The following TMEM135 variants were observed in gnomAD, a reference collection of about 807,000 sequenced individuals.
The protein encoded by TMEM135 is peroxisomal membrane protein 52.
In TMEM135, 30 loss-of-function variants were observed where a neutral mutation model predicts 60.3. That is an observed-to-expected ratio of 0.50 (90% CI 0.37 to 0.68). The LOEUF (loss-of-function observed/expected upper bound fraction) is 0.68. TMEM135 is among the 30% of genes least tolerant of loss of function. The pLI is 0.00. For missense variants in TMEM135, 468 were observed against 548.8 expected, an observed-to-expected ratio of 0.85 and a Z score of 1.47; for synonymous variants, 190 against 186.7, an observed-to-expected ratio of 1.02 and a Z score of -0.14.
At chr11:87,122,470 A>ATTTATTATTTT (rs1565450533) in intron 4 of TMEM135, among the ~76,000 whole-genome samples, 11 of 144,916 alleles carry the variant, frequency 7.6e-5, no homozygotes, top group Non-Finnish European at 1.4e-4. Flanking sequence ...TTTATTATTT[A>ATTTATTATTTT]TTTTTTTTGA....
At chr11:87,102,923 TATC>T (rs1181845231) in intron 4 of TMEM135, among the ~76,000 whole-genome samples, 12 of 152,000 alleles carry the variant, frequency 7.9e-5, no homozygotes, top group Admixed American at 7.9e-4. Flanking sequence ...CACTGAAACT[TATC>T]ATCACAACCC....
At chr11:87,107,609 C>T (rs1024147375) in intron 4 of TMEM135, among the ~76,000 whole-genome samples, 11 of 152,162 alleles carry the variant, frequency 7.2e-5, no homozygotes, top group Admixed American at 2.0e-4. Context: ...TTTTTTATGG[C>T]TGCATAGTAT....
chr11:87,189,283 C>A (rs1939740885), intron 5 of TMEM135, among the ~76,000 whole-genome samples: 1 of 152,096 alleles, frequency 6.6e-6, no homozygotes, highest in Non-Finnish European at 1.5e-5. Context: ...GCCTCAGCCT[C>A]CCAAGTAGCT....
At chr11:87,309,798 A>G in intron 10 of TMEM135, 126 bp downstream of exon 10, 1 of 1,043,974 alleles carries the variant, frequency 9.6e-7, no homozygotes, top group Non-Finnish European at 1.4e-6. Context: ...ATATCTTGAC[A>G]TAACCAAATC....
At chr11:87,138,152 A>G (rs562021116) in intron 4 of TMEM135, among the ~76,000 whole-genome samples, 19 of 142,866 alleles carry the variant, frequency 1.3e-4, no homozygotes, top group Middle Eastern at 4.2e-3. Context: ...GTGCAGTGGT[A>G]TGATCTCAGC....
chr11:87,252,798 ATGTGTG>A (rs558272693), intron 6 of TMEM135, among the ~76,000 whole-genome samples: 27 of 134,238 alleles, frequency 2.0e-4, no homozygotes, highest in South Asian at 1.2e-3. Context: ...TAAAATATAT[ATGTGTG>A]TGTGTGTGTG....
In TMEM135 at chr11:87,205,932, A is replaced by G. The variant is rs113319098; in HGVS notation, c.463-30706A>G. ...TTAGTTCTCCCTCAGTTCACAGAGA[A>G]CATCTTTTTGGCAGATATCCTTGAT... On this transcript the variant is annotated intron_variant, in intron 5 of 14. Coordinates refer to ENST00000305494, the MANE Select transcript of TMEM135 (RefSeq NM_022918.4). Among the ~76,000 whole-genome samples the G allele has an allele frequency of 3.2e-3, 486 of 152,260 alleles. 3 individuals carry two copies. The highest frequency in any genetic ancestry group is 0.011 in the Admixed American group (161 of 15,280).
rs575196933 is a variant in TMEM135 at position 87,078,808 on chromosome 11, G to T, written c.362+7193G>T. Among the ~76,000 whole-genome samples the T allele has an allele frequency of 4.5e-4, 68 of 150,410 alleles. No homozygotes were observed. In the East Asian group the frequency reaches 0.013, roughly 28 times the overall value. ...TTTGTATTTCTTTTTTTTTAGTAGA[G>T]ATAGGGTTTTGCCATGTTGTCCAGG... On this transcript the variant is annotated intron_variant, in intron 3 of 14. Transcript: ENST00000305494.
intron 5 of TMEM135, among the ~76,000 whole-genome samples, chr11:87,205,021 A>G (rs1171823127): frequency 6.6e-6 from 1 of 152,178 alleles, no homozygotes; most frequent in Non-Finnish European, 1.5e-5. Context: ...AAACTATTGC[A>G]CTTTTAAAAT....
intron 1 of TMEM135, among the ~76,000 whole-genome samples, chr11:87,039,631 G>A (rs1301656354): frequency 2.0e-5 from 3 of 152,098 alleles, no homozygotes; most frequent in Non-Finnish European, 4.4e-5. Context: ...GTGCAGTGGC[G>A]CAATCACGGC....
rs1212041146 is a variant in TMEM135, at chr11:87,325,834, C to A, written c.*4501C>A. 2 of 453,810 alleles carry A rather than the reference C, an allele frequency of 4.4e-6. No individual in the cohort carries two copies. Among genetic ancestry groups the A allele is most frequent in the Non-Finnish European group, 8.8e-6 (2 of 226,782 alleles). 28.1% of individuals were successfully genotyped at this position (453,810 alleles called of 1,614,324 possible). On this transcript the variant is annotated 3_prime_UTR_variant, in exon 15 of 15. Coordinates refer to ENST00000305494, the MANE Select transcript of TMEM135 (RefSeq NM_022918.4). ...CAATTAATTTCTTCTCTTCTTAAAACCCCGTAACATCACTTGACTCTGGAA... is the reference window on the plus strand; with the variant it reads ...CAATTAATTTCTTCTCTTCTTAAAAACCCGTAACATCACTTGACTCTGGAA...
chr11:87,043,499 G>A (rs12270428), intron 1 of TMEM135, among the ~76,000 whole-genome samples: 23,288 of 151,766 alleles, frequency 0.15, 1,911 homozygotes, highest in Non-Finnish European at 0.17. Context: ...GCTGAGGCGG[G>A]TGGATCACGA....
At chr11:87,238,934 T>G (rs1253202418) in intron 6 of TMEM135, among the ~76,000 whole-genome samples, 2 of 152,018 alleles carry the variant, frequency 1.3e-5, no homozygotes, top group African/African-American at 4.8e-5. Context: ...TAAAGACATA[T>G]GTGATTAACG....
intron 6 of TMEM135, among the ~76,000 whole-genome samples, chr11:87,248,413 A>T (rs992241635): frequency 1.3e-5 from 2 of 152,184 alleles, no homozygotes; most frequent in Non-Finnish European, 2.9e-5. Context: ...GTGAGATGAT[A>T]TCTCATTGTA....
intron 5 of TMEM135, among the ~76,000 whole-genome samples, chr11:87,219,478 G>GA (rs1940572097): frequency 6.6e-6 from 1 of 152,042 alleles, no homozygotes; most frequent in South Asian, 2.1e-4. Context: ...GGGCTGGGGG[G>GA]AGAGAGCCAG....
intron 5 of TMEM135, among the ~76,000 whole-genome samples, chr11:87,170,397 C>T (rs1939201563): frequency 6.6e-6 from 1 of 152,140 alleles, no homozygotes; most frequent in Admixed American, 6.6e-5. Flanking sequence ...CCTTTTTGCA[C>T]TGGTTTTTCC....
intron 1 of TMEM135, among the ~76,000 whole-genome samples, chr11:87,064,745 G>A (rs1038759437): frequency 3.3e-5 from 5 of 152,228 alleles, no homozygotes; most frequent in Non-Finnish European, 5.9e-5. Context: ...TTAGCTGGGC[G>A]TGGTGGCCGG....
chr11:87,250,506 T>C (rs1941391389), intron 6 of TMEM135, among the ~76,000 whole-genome samples: 1 of 152,094 alleles, frequency 6.6e-6, no homozygotes, highest in African/African-American at 2.4e-5. Context: ...TTTCAAGAAA[T>C]TTTTAAATTT....
chr11:87,189,741 G>T (rs1939751308), intron 5 of TMEM135, among the ~76,000 whole-genome samples: 1 of 135,480 alleles, frequency 7.4e-6, no homozygotes, highest in South Asian at 2.4e-4. Context: ...TCAACATAGT[G>T]AGATCCCGTC....
Sources: allele counts gnomAD v4.1 joint callset (sites outside exome capture counted in the v4.1 genomes callset), GRCh38; gene constraint gnomAD v4.1.1; transcripts MANE v1.5; gene names NCBI Gene and HGNC (gene_info 2026-07-23, HGNC 2026-07-21).